Variants in ELMO3 observed in about 807,000 individuals in gnomAD.
ELMO3 encodes engulfment and cell motility 3, also known as engulfment and cell motility protein 3.
A neutral mutation model predicts 89.0 loss-of-function variants in ELMO3; 81 were observed. That is an observed-to-expected ratio of 0.91 (90% CI 0.76 to 1.09). The LOEUF (loss-of-function observed/expected upper bound fraction) is 1.09, where lower values mean the gene tolerates loss of function less well. ELMO3 is among the 50% of genes least tolerant of loss of function. The pLI is 0.00. For missense variants in ELMO3, 959 were observed against 972.8 expected (o/e 0.99, Z 0.19); for synonymous variants, 406 against 400.6 (o/e 1.01, Z -0.16).
Position 67,200,690 on chromosome 16 carries a change from G to T in ELMO3, c.547G>T (p.Ala183Ser), listed in dbSNP as rs1416269478. The T allele has an allele frequency of 6.2e-7, 1 of 1,613,302 alleles. No homozygotes were observed. Among genetic ancestry groups the T allele is most frequent in the Non-Finnish European group, 8.5e-7 (1 of 1,179,964 alleles). ...CTACGTGAACATGAACCTCATGGAT[G>T]CCTCCGTGCCTCCCCTGGCCCTTGG... ...VCYVNMNLMD[A>S]SVPPLALGLL... The change falls in exon 7 of 20, where the codon GCC becomes TCC. Residue 183 changes from alanine (A) to serine (S), a missense_variant. Ala to Ser is a moderately conservative substitution (Grantham distance 99). Coordinates refer to ENST00000393997, the MANE Select transcript of ELMO3 (RefSeq NM_024712.5).
intron 8 of ELMO3, 145 bp downstream of exon 8, chr16:67,201,113 T>C (rs1205551090): frequency 1.0e-6 from 1 of 996,582 alleles, no homozygotes; most frequent in African/African-American, 1.6e-5. Context: ...TGGTGCGATC[T>C]TGGCTCACTG....
Position 67,202,386 on chromosome 16 carries a change from C to T in ELMO3, c.1262-11C>T. 1 of 1,613,788 alleles carries T rather than the reference C, an allele frequency of 6.2e-7. No individual in the cohort carries two copies. Among genetic ancestry groups the T allele is most frequent in the South Asian group, 1.1e-5 (1 of 91,086 alleles). ...CTTTCTCCCTGAGCCCCTCCTGCCC[C>T]CCCACTCCAGGCTCTGAGACAGCCC... On this transcript the variant is annotated splice_polypyrimidine_tract_variant and intron_variant, in intron 13 of 19. Coordinates refer to ENST00000393997, the MANE Select transcript of ELMO3 (RefSeq NM_024712.5).
Position 67,203,561 on chromosome 16 carries a change from T to C in ELMO3, c.1928T>C (p.Phe643Ser), listed in dbSNP as rs763071801. 1.5e-5 allele frequency: 24 copies of C among 1,613,834 alleles called. No individual in the cohort carries two copies. The highest frequency in any genetic ancestry group is 1.9e-5 in the Non-Finnish European group (22 of 1,179,992). Reference protein sequence around the residue: ...DRGEEEAYLNFIAPSKREFYL... With the variant: ...DRGEEEAYLNSIAPSKREFYL... ...GGGGAGGAGGAAGCGTACCTCAACTTCATTGCCCCCTCCAAGCGGGAGGTG... is the reference window on the plus strand; with the variant it reads ...GGGGAGGAGGAAGCGTACCTCAACTCCATTGCCCCCTCCAAGCGGGAGGTG... Residue 643 changes from phenylalanine to serine, a missense_variant, in exon 19 of 20, where the codon TTC becomes TCC. Physicochemically the swap from Phe to Ser is radical, Grantham distance 155 (BLOSUM62 -2). Transcript: ENST00000393997. This position sits in a 1 kb window ranked among gnomAD's most constrained non-coding sequence, Gnocchi z 4.6.
rs1454432130 is a variant in ELMO3 at position 67,201,805 on chromosome 16, G to T, written c.982G>T (p.Gly328Cys). The T allele has an allele frequency of 6.2e-7, 1 of 1,612,042 alleles. No homozygotes were observed. Among genetic ancestry groups the T allele is most frequent in the South Asian group, 1.1e-5 (1 of 91,084 alleles). Residue 328 changes from glycine (G) to cysteine (C), a missense_variant, in exon 11 of 20, where the codon GGT becomes TGT. By Grantham distance (159) the Gly-to-Cys change is radical. Coordinates refer to ENST00000393997, the MANE Select transcript of ELMO3 (RefSeq NM_024712.5). Reference protein sequence around the residue: ...AAFEVEGESSGAGLSADRRRS... With the variant: ...AAFEVEGESSCAGLSADRRRS... ...CTTCGAGGTGGAGGGGGAGTCCTCGGGTGCCGGGCTAAGTGCTGACCGTCG... is the reference window on the plus strand; with the variant it reads ...CTTCGAGGTGGAGGGGGAGTCCTCGTGTGCCGGGCTAAGTGCTGACCGTCG...
chr16:67,200,683 C>T lies in ELMO3; in HGVS notation c.540C>T (p.Leu180=), dbSNP rs757701422. ...TGGTGTGCTACGTGAACATGAACCT[C>T]ATGGATGCCTCCGTGCCTCCCCTGG... The part of the protein sequence containing the change: ...RKVVCYVNMN[L]MDASVPPLAL... The change falls in exon 7 of 20, where the codon CTC becomes CTT. Residue 180 remains leucine, a synonymous_variant. Coordinates refer to ENST00000393997, the MANE Select transcript of ELMO3 (RefSeq NM_024712.5). The T allele has an allele frequency of 1.9e-6, 3 of 1,613,396 alleles. No homozygotes were observed. The highest frequency in any genetic ancestry group is 3.3e-5 in the Admixed American group (2 of 60,026).
intron 6 of ELMO3, 26 bp from the exon 7 acceptor site, chr16:67,200,631 G>T: frequency 6.2e-7 from 1 of 1,609,726 alleles, no homozygotes; most frequent in Non-Finnish European, 8.5e-7. Flanking sequence ...ATGGGGGTGA[G>T]GTGGTGACAC....
rs778678997 is a variant in ELMO3, at chr16:67,201,723, C to T, written c.919-19C>T. The T allele has an allele frequency of 6.2e-7, 1 of 1,608,456 alleles. No homozygotes were observed. The highest frequency in any genetic ancestry group is 1.1e-5 in the South Asian group (1 of 91,074). On this transcript the variant is annotated intron_variant, in intron 10 of 19. Coordinates refer to ENST00000393997, the MANE Select transcript of ELMO3 (RefSeq NM_024712.5). Reference sequence around the variant, plus strand: ...CTATAATCTTGATCCCCTCCCCCGCCACCCAACACTGACCCCAGGAGCAGC... The same window carrying T: ...CTATAATCTTGATCCCCTCCCCCGCTACCCAACACTGACCCCAGGAGCAGC...
Position 67,203,106 on chromosome 16 carries a change from T to C in ELMO3, c.1676-13T>C. ...CTCTCAGCACTCTGGCCCTCTTCCC[T>C]TTCTCCACGCAGATAAGCTGTGGTT... is the stretch of plus-strand genomic sequence containing the variant. On this transcript the variant is annotated splice_polypyrimidine_tract_variant and intron_variant, in intron 16 of 19. Transcript: ENST00000393997. This position sits in a 1 kb window ranked among gnomAD's most constrained non-coding sequence, Gnocchi z 4.6. 6.2e-7 allele frequency: 1 copy of C among 1,602,400 alleles called. No homozygotes were observed. The highest frequency in any genetic ancestry group is 1.1e-5 in the South Asian group (1 of 89,712).
chr16:67,201,634 T>C lies in ELMO3; in HGVS notation c.910T>C (p.Tyr304His). 1 of 1,612,500 alleles carries C rather than the reference T, an allele frequency of 6.2e-7. No homozygotes were observed. The highest frequency in any genetic ancestry group is 8.5e-7 in the Non-Finnish European group (1 of 1,179,942). ...EPRMRTPLDP[Y>H]SQEQREQLQV... Reference sequence around the variant, plus strand: ...GCGCATGCGGACGCCCCTGGACCCCTACAGCCAGGTGTGTGTCTTTGGTGA... The same window carrying C: ...GCGCATGCGGACGCCCCTGGACCCCCACAGCCAGGTGTGTGTCTTTGGTGA... The change falls in exon 10 of 20, where the codon TAC (tyrosine) becomes CAC (histidine). Residue 304 changes from tyrosine (Y) to histidine (H), a missense_variant. Transcript: ENST00000393997.
chr16:67,201,015 T>G, intron 8 of ELMO3, 47 bp downstream of exon 8: 1 of 1,547,540 alleles, frequency 6.5e-7, no homozygotes. Flanking sequence ...CGGTGGGCGC[T>G]GCCCCACCCT....
intron 12 of ELMO3, 30 bp from the exon 13 acceptor site, chr16:67,202,146 G>T: frequency 6.2e-7 from 1 of 1,603,564 alleles, no homozygotes; most frequent in South Asian, 1.1e-5. Context: ...GCTTAGCTGT[G>T]ACTCCTTGCC....
At chr16:67,200,412 T>C (rs1288020695) in intron 5 of ELMO3, 39 bp from the exon 6 acceptor site, 1 of 1,608,210 alleles carries the variant, frequency 6.2e-7, no homozygotes, top group Admixed American at 1.7e-5. Context: ...TTTCTGGTCC[T>C]GGGGTGGTCC....
rs1485461315 is a variant in ELMO3 at position 67,202,706 on chromosome 16, T to C, written c.1478T>C (p.Val493Ala). 2.5e-6 allele frequency: 4 copies of C among 1,613,366 alleles called. No homozygotes were observed. Among genetic ancestry groups the C allele is most frequent in the Non-Finnish European group, 3.4e-6 (4 of 1,179,904 alleles). ...PTSLELFRTK[V>A]NALTYGEVLR... ...TCCCTGGAGCTCTTCCGAACCAAGG[T>C]GAATGCGCTCACTTATGGGGAGGTG... The change falls in exon 15 of 20, where the codon GTG (valine) becomes GCG (alanine). Residue 493 changes from valine (V) to alanine (A), a missense_variant. By Grantham distance (64) the Val-to-Ala change is moderately conservative. Coordinates refer to ENST00000393997, the MANE Select transcript of ELMO3 (RefSeq NM_024712.5).
At position 67,201,628 on chromosome 16, in the gene ELMO3, G is replaced by T. The variant is rs768605277; in HGVS notation, c.904G>T (p.Asp302Tyr). The change falls in exon 10 of 20, where the codon GAC becomes TAC. Residue 302 changes from aspartate (D) to tyrosine (Y), a missense_variant. Coordinates refer to ENST00000393997, the MANE Select transcript of ELMO3 (RefSeq NM_024712.5). Reference protein sequence around the residue: ...LLEPRMRTPLDPYSQEQREQL... With the variant: ...LLEPRMRTPLYPYSQEQREQL... Reference sequence around the variant, plus strand: ...GGAGCCGCGCATGCGGACGCCCCTGGACCCCTACAGCCAGGTGTGTGTCTT... The same window carrying T: ...GGAGCCGCGCATGCGGACGCCCCTGTACCCCTACAGCCAGGTGTGTGTCTT... 4 of 1,612,842 alleles carry T rather than the reference G, an allele frequency of 2.5e-6. No individual in the cohort carries two copies. In the South Asian group the frequency reaches 3.3e-5, roughly 13 times the overall value.
In ELMO3 at chr16:67,199,591, C is replaced by T. The variant is rs745907063; in HGVS notation, c.117C>T (p.Asp39=). The T allele has an allele frequency of 6.2e-7, 1 of 1,609,504 alleles. No homozygotes were observed. Among genetic ancestry groups the T allele is most frequent in the Admixed American group, 1.7e-5 (1 of 59,878 alleles). ...CCGCTGTGCTGAAGGAGGTGTGCGA[C>T]GCGTGAGTGCTGCCGGGCCAGGGCC... ...PLAAVLKEVC[D]AWSLTHSERY... The change falls in exon 2 of 20, where the codon GAC becomes GAT. Residue 39 remains aspartate (D), a splice_region_variant and synonymous_variant. Coordinates refer to ENST00000393997, the MANE Select transcript of ELMO3 (RefSeq NM_024712.5).
intron 6 of ELMO3, 32 bp from the exon 7 acceptor site, chr16:67,200,625 G>A (rs1191030969): frequency 1.2e-6 from 2 of 1,609,692 alleles, no homozygotes; most frequent in South Asian, 2.2e-5. Flanking sequence ...TCTTCCATGG[G>A]GGTGAGGTGG....
Position 67,199,715 on chromosome 16 carries a change from C to G in ELMO3, c.151C>G (p.Leu51Val), listed in dbSNP as rs199919222. 26 of 1,611,284 alleles carry G rather than the reference C, an allele frequency of 1.6e-5. No individual in the cohort carries two copies. In the East Asian group the frequency reaches 5.8e-4, roughly 36 times the overall value. Residue 51 changes from leucine (L) to valine (V), a missense_variant, in exon 3 of 20, where the codon CTG becomes GTG. Physicochemically the swap from Leu to Val is conservative, Grantham distance 32. Coordinates refer to ENST00000393997, the MANE Select transcript of ELMO3 (RefSeq NM_024712.5). ...WSLTHSERYALQFADGHRRYI... is the reference protein window; with the variant it reads ...WSLTHSERYAVQFADGHRRYI... ...CCTGACGCACTCTGAGCGTTACGCC[C>G]TGCAGTTTGCGGATGGGCACCGGAG... is the stretch of plus-strand genomic sequence containing the variant.
chr16:67,199,323 G>C lies in ELMO3; in HGVS notation c.-4G>C. 1 of 1,612,266 alleles carries C rather than the reference G, an allele frequency of 6.2e-7. No homozygotes were observed. Among genetic ancestry groups the C allele is most frequent in the Non-Finnish European group, 8.5e-7 (1 of 1,179,858 alleles). On this transcript the variant is annotated 5_prime_UTR_variant, in exon 1 of 20. Coordinates refer to ENST00000393997, the MANE Select transcript of ELMO3 (RefSeq NM_024712.5). ...AGTGCAGGCGCCCACGTCCCAGCTG[G>C]ACCATGGCGCCTCCGCGGAACGTGG...
rs1567693571 is a variant in ELMO3 at position 67,203,201 on chromosome 16, C to G, written c.1758C>G (p.Thr586=). Residue 586 remains threonine, a synonymous_variant, in exon 17 of 20, where the codon ACC becomes ACG. Coordinates refer to ENST00000393997, the MANE Select transcript of ELMO3 (RefSeq NM_024712.5). This position sits in a 1 kb window ranked among gnomAD's most constrained non-coding sequence, Gnocchi z 4.6. ...TGGAGGAGGGCGCCAGCCCGCCTAC[C>G]CTGGAGAGTCTGCCCGAGCAACGTA... is the stretch of plus-strand genomic sequence containing the variant. The part of the protein sequence containing the change: ...GDMEEGASPP[T]LESLPEQLPV... The G allele has an allele frequency of 3.7e-6, 6 of 1,610,260 alleles. No homozygotes were observed. The highest frequency in any genetic ancestry group is 4.2e-6 in the Non-Finnish European group (5 of 1,179,694).
Sources: gnomAD v4.1 joint callset for allele counts on GRCh38, gnomAD v4.1.1 for gene constraint, Gnocchi (gnomAD v3.1) non-coding constraint, MANE v1.5 for transcripts, NCBI Gene and HGNC (gene_info 2026-07-23, HGNC 2026-07-21) for gene names.